Variants in TECTB observed in about 807,000 individuals in gnomAD.
TECTB encodes the protein tectorin beta, also known as beta-tectorin.
A neutral mutation model predicts 43.3 loss-of-function variants in TECTB; 45 were observed. That is an observed-to-expected ratio of 1.04 (90% CI 0.82 to 1.33). The LOEUF (loss-of-function observed/expected upper bound fraction) is 1.33. Ranked by LOEUF, TECTB falls within the 40% of genes most tolerant of loss-of-function variation. TECTB has a pLI of 0.00. For synonymous variants in TECTB, 169 were observed against 156.7 expected (o/e 1.08, Z -0.59); for missense variants, 399 against 404.7 (o/e 0.99, Z 0.12).
rs954810640 is a variant in TECTB at position 112,303,285 on chromosome 10, G to C, written c.963G>C (p.Met321Ile). 6.2e-7 allele frequency: 1 copy of C among 1,614,134 alleles called. No homozygotes were observed. The highest frequency in any genetic ancestry group is 8.5e-7 in the Non-Finnish European group (1 of 1,180,018). Residue 321 changes from methionine (M) to isoleucine (I), a missense_variant, in exon 11 of 11, where the codon ATG (methionine) becomes ATC (isoleucine). Physicochemically the swap from Met to Ile is conservative, Grantham distance 10. Coordinates refer to ENST00000646139, the MANE Select transcript of TECTB (RefSeq NM_058222.3). ...SFSDVLHHLI[M>I]MLGICAVL ...CAGATGTTCTCCACCACCTCATCAT[G>C]ATGTTGGGGATTTGTGCCGTGTTAT...
At position 112,293,795 on chromosome 10, in the gene TECTB, G is replaced by A. The variant is rs145897216; in HGVS notation, c.541G>A (p.Gly181Ser). The change falls in exon 6 of 11, where the codon GGT becomes AGT. Residue 181 changes from glycine (G) to serine (S), a missense_variant. By Grantham distance (56) the Gly-to-Ser change is moderately conservative (BLOSUM62 0). Transcript: ENST00000646139. Reference sequence around the variant, plus strand: ...CTTTGTCCTGGAGGCATCCGAAATCGGTTCAGATCTGTTTGCAGGAGTGGA... The same window carrying A: ...CTTTGTCCTGGAGGCATCCGAAATCAGTTCAGATCTGTTTGCAGGAGTGGA... ...APFVLEASEI[G>S]SDLFAGVEAK... is the part of the protein sequence containing the mutation. The A allele has an allele frequency of 1.0e-4, 161 of 1,614,128 alleles. No individual in the cohort carries two copies. The highest frequency in any genetic ancestry group is 2.1e-4 in the African/African-American group (16 of 75,004).
At chr10:112,300,815 G>A (rs1040662806) in intron 9 of TECTB, among the ~76,000 whole-genome samples, 1 of 152,194 alleles carries the variant, frequency 6.6e-6, no homozygotes, top group Non-Finnish European at 1.5e-5. Context: ...CTGGTCCCAA[G>A]CATTTTGGAT....
At chr10:112,291,829 C>A (rs940425854) in intron 5 of TECTB, among the ~76,000 whole-genome samples, 2 of 152,084 alleles carry the variant, frequency 1.3e-5, no homozygotes, top group African/African-American at 4.8e-5. Flanking sequence ...CATGGTAATG[C>A]TTTTGTCTCT....
chr10:112,291,641 A>G (rs1564708031), intron 5 of TECTB, among the ~76,000 whole-genome samples: 3 of 152,246 alleles, frequency 2.0e-5, no homozygotes, highest in Non-Finnish European at 4.4e-5. Context: ...CTCCAGGTCT[A>G]TGAAACTCAA....
chr10:112,284,436 T>G (rs1848437751), intron 2 of TECTB, 99 bp from the exon 3 acceptor site: 4 of 1,227,114 alleles, frequency 3.3e-6, no homozygotes, highest in Non-Finnish European at 4.3e-6. Context: ...TTTAACCAAC[T>G]GCTTTTGCAT....
chr10:112,284,536 T>C lies in TECTB; in HGVS notation c.78T>C (p.Asp26=), dbSNP rs760832159. 2.2e-5 allele frequency: 35 copies of C among 1,605,292 alleles called. No homozygotes were observed. Among genetic ancestry groups the C allele is most frequent in the Middle Eastern group, 1.7e-4 (1 of 6,036 alleles). The change falls in exon 3 of 11, where the codon GAT becomes GAC. Residue 26 remains aspartate (D), a splice_region_variant and synonymous_variant. Coordinates refer to ENST00000646139, the MANE Select transcript of TECTB (RefSeq NM_058222.3). Reference sequence around the variant, plus strand: ...AAACTATATGTGTGCTCTTTCCAGATGTCATTCTTGTGTTTTGCTATCCCA... The same window carrying C: ...AAACTATATGTGTGCTCTTTCCAGACGTCATTCTTGTGTTTTGCTATCCCA... ...SAKSCAPNKA[D]VILVFCYPKT... is the part of the protein sequence containing the mutation.
Position 112,297,282 on chromosome 10 carries a change from C to A in TECTB, c.672-787C>A, listed in dbSNP as rs377155326. Among the ~76,000 whole-genome samples the A allele has an allele frequency of 1.4e-3, 207 of 152,176 alleles. 5 individuals carry two copies. The South Asian group carries it at 0.042, about 31-fold the overall frequency. The stretch of plus-strand genomic sequence containing the variant: ...CCTGGACAATCACAGTGCCAAATGT[C>A]CCCTGGGGCACAAAGTGGACCAAGC... On this transcript the variant is annotated intron_variant, in intron 7 of 10. Transcript: ENST00000646139.
At chr10:112,289,621 A>C (rs1402561382) in intron 5 of TECTB, among the ~76,000 whole-genome samples, 1 of 152,196 alleles carries the variant, frequency 6.6e-6, no homozygotes, top group African/African-American at 2.4e-5. Flanking sequence ...CAGTACTTCA[A>C]ATATGTCCAC....
intron 9 of TECTB, 70 bp downstream of exon 9, chr10:112,299,634 C>G (rs1848580242): frequency 6.4e-7 from 1 of 1,557,800 alleles, no homozygotes; most frequent in Non-Finnish European, 8.8e-7. Flanking sequence ...ACAGGCACAG[C>G]CGGTTTGAGC....
In TECTB at chr10:112,283,654, C is replaced by A; in HGVS notation, c.-81C>A. ...ATTCATGTTTCTGACTTAGAATGAT[C>A]GAGGCTCAGGCCCTGGAAGGACCGT... On this transcript the variant is annotated 5_prime_UTR_variant, in exon 2 of 11. Coordinates refer to ENST00000646139, the MANE Select transcript of TECTB (RefSeq NM_058222.3). 1.5e-6 allele frequency: 2 copies of A among 1,296,160 alleles called. No homozygotes were observed. The highest frequency in any genetic ancestry group is 1.1e-6 in the Non-Finnish European group (1 of 912,276). The allele number at this position is 1,296,160 out of a possible 1,614,324, so 80.3% of individuals were successfully genotyped here.
chr10:112,295,805 T>G (rs1211356696), intron 7 of TECTB, among the ~76,000 whole-genome samples: 1 of 152,234 alleles, frequency 6.6e-6, no homozygotes, highest in Non-Finnish European at 1.5e-5. Flanking sequence ...GGAGTTCTAG[T>G]GCCGTTGTTC....
chr10:112,287,002 C>A (rs74158710), intron 5 of TECTB, among the ~76,000 whole-genome samples: 1,926 of 152,296 alleles, frequency 0.013, 57 homozygotes, highest in African/African-American at 0.044. Flanking sequence ...GATGAGAAAA[C>A]TGAGGCAAGG....
rs1848634212 is a variant in TECTB at position 112,304,192 on chromosome 10, A to G, written c.*880A>G. 6.6e-6 allele frequency: 1 copy of G among 152,226 alleles called. No homozygotes were observed. The highest frequency in any genetic ancestry group is 1.9e-4 in the East Asian group (1 of 5,198). 9.4% of individuals were successfully genotyped at this position (152,226 alleles called of 1,614,324 possible). On this transcript the variant is annotated 3_prime_UTR_variant, in exon 11 of 11. Coordinates refer to ENST00000646139, the MANE Select transcript of TECTB (RefSeq NM_058222.3). The stretch of plus-strand genomic sequence containing the variant: ...TGAGTTTGGTGACCCAATCCTACAG[A>G]TAAATGCCTTGTGACACTCAATGCT...
At chr10:112,294,346 G>T (rs976529987) in intron 7 of TECTB, among the ~76,000 whole-genome samples, 12 of 152,118 alleles carry the variant, frequency 7.9e-5, no homozygotes, top group African/African-American at 2.9e-4. Flanking sequence ...TGTGAATACT[G>T]AGGCACAAGA....
Position 112,303,564 on chromosome 10 carries a change from T to C in TECTB, c.*252T>C. 2 of 529,080 alleles carry C rather than the reference T, an allele frequency of 3.8e-6. No homozygotes were observed. Among genetic ancestry groups the C allele is most frequent in the Non-Finnish European group, 6.7e-6 (2 of 296,458 alleles). The allele number at this position is 529,080 out of a possible 1,614,324, so 32.8% of individuals were successfully genotyped here. A position where few individuals can be genotyped will look rare whatever the true frequency, so the allele number is the denominator to read the frequency against. ...TTCTACAGCTGGGGGAGGAGCCTCC[T>C]TTCTCCATACTCAAGTCAGGGCTGC... On this transcript the variant is annotated 3_prime_UTR_variant, in exon 11 of 11. Transcript: ENST00000646139.
chr10:112,287,248 G>A (rs562904492), intron 5 of TECTB, among the ~76,000 whole-genome samples: 30 of 152,334 alleles, frequency 2.0e-4, no homozygotes, highest in Non-Finnish European at 2.9e-4. Context: ...TGGGCAGGCT[G>A]CCCATGTTGA....
At chr10:112,294,137 AAGCTTGGG>A in intron 7 of TECTB, 76 bp downstream of exon 7, 1 of 1,399,468 alleles carries the variant, frequency 7.1e-7, no homozygotes, top group Non-Finnish European at 1.0e-6. Context: ...TGGCTTGGGA[AAGCTTGGG>A]AGGAAGAGGT....
At chr10:112,296,486 T>C (rs755155344) in intron 7 of TECTB, among the ~76,000 whole-genome samples, 5 of 152,200 alleles carry the variant, frequency 3.3e-5, no homozygotes, top group Non-Finnish European at 4.4e-5. Context: ...TGGCTGACCA[T>C]GCCTGGGGCA....
At chr10:112,287,123 A>T (rs1047050124) in intron 5 of TECTB, among the ~76,000 whole-genome samples, 5 of 152,120 alleles carry the variant, frequency 3.3e-5, no homozygotes, top group African/African-American at 1.2e-4. Flanking sequence ...ATTTGGCCCA[A>T]TGTATTGAGG....
Sources: allele counts gnomAD v4.1 joint callset (sites outside exome capture counted in the v4.1 genomes callset), GRCh38; gene constraint gnomAD v4.1.1; transcripts MANE v1.5; gene names NCBI Gene and HGNC (gene_info 2026-07-23, HGNC 2026-07-21).